The following SHANK2 variants were observed in gnomAD, a reference collection of about 807,000 sequenced individuals.
SHANK2 encodes SH3 and multiple ankyrin repeat domains 2.
SHANK2 carries 43 observed loss-of-function variants against 133.7 expected under a neutral mutation model. The observed-to-expected ratio is 0.32, with a 90% CI of 0.25 to 0.41. SHANK2 has a LOEUF of 0.41. SHANK2 is among the 10% of genes least tolerant of loss of function. SHANK2 has a pLI of 1.00. For synonymous variants in SHANK2, 1,017 were observed against 952.8 expected (o/e 1.07, Z -1.24); for missense variants, 1,994 against 2,235.8 (o/e 0.89, Z 2.18).
At chr11:71,085,645 T>TAA (rs1462508392) in intron 8 of SHANK2, among the ~76,000 whole-genome samples, 5 of 42,124 alleles carry the variant, frequency 1.2e-4, no homozygotes, top group Non-Finnish European at 2.2e-4. Flanking sequence ...ATATAATATA[T>TAA]TATGTTATAT....
chr11:70,508,927 T>G (rs1055662867), intron 17 of SHANK2, among the ~76,000 whole-genome samples: 1 of 152,098 alleles, frequency 6.6e-6, no homozygotes, highest in African/African-American at 2.4e-5. Context: ...TATAGAGATA[T>G]GCACACAGGG....
intron 10 of SHANK2, among the ~76,000 whole-genome samples, chr11:70,906,853 C>G (rs535438703): frequency 7.9e-5 from 12 of 152,218 alleles, no homozygotes; most frequent in Non-Finnish European, 1.0e-4. Context: ...TCAAGGGAAT[C>G]TCTGCCCATC....
intron 14 of SHANK2, among the ~76,000 whole-genome samples, chr11:70,752,826 G>A (rs1241153825): frequency 6.6e-6 from 1 of 151,594 alleles, no homozygotes; most frequent in African/African-American, 2.4e-5. Flanking sequence ...CAAAATACAT[G>A]AAGCAGGCCA....
intron 11 of SHANK2, among the ~76,000 whole-genome samples, chr11:70,858,804 A>G (rs781951619): frequency 1.3e-5 from 2 of 152,130 alleles, no homozygotes; most frequent in Non-Finnish European, 1.5e-5. Flanking sequence ...TCACACCTCC[A>G]TCTGGTTATC....
At chr11:70,843,726 C>T (rs890665016) in intron 11 of SHANK2, among the ~76,000 whole-genome samples, 1 of 151,950 alleles carries the variant, frequency 6.6e-6, no homozygotes. Context: ...CTGTTGAATG[C>T]CCCCCAGCCC....
chr11:70,845,198 C>CAAAAAAAAAAAAA (rs782471301), intron 11 of SHANK2, among the ~76,000 whole-genome samples: 2 of 51,668 alleles, frequency 3.9e-5, no homozygotes, highest in African/African-American at 1.4e-4. Flanking sequence ...GACTCTGTCT[C>CAAAAAAAAAAAAA]AAAAAAAAAA....
intron 2 of SHANK2, among the ~76,000 whole-genome samples, chr11:71,203,686 A>T (rs1555117507): frequency 6.6e-6 from 1 of 152,244 alleles, no homozygotes; most frequent in Non-Finnish European, 1.5e-5. Flanking sequence ...GTGTGGTAAG[A>T]GTGCCTGAGT....
At chr11:70,810,590 A>G (rs1555052988) in intron 12 of SHANK2, among the ~76,000 whole-genome samples, 2 of 152,230 alleles carry the variant, frequency 1.3e-5, no homozygotes, top group African/African-American at 4.8e-5. Context: ...GGCGGCCATC[A>G]TGGGCTCTGT....
chr11:70,787,729 G>A (rs1428008202), intron 14 of SHANK2, among the ~76,000 whole-genome samples: 1 of 151,992 alleles, frequency 6.6e-6, no homozygotes, highest in African/African-American at 2.4e-5. Flanking sequence ...CACCACCCCT[G>A]GTCCCTGACT....
chr11:71,086,456 A>G (rs1951418552), intron 8 of SHANK2, among the ~76,000 whole-genome samples: 1 of 136,578 alleles, frequency 7.3e-6, no homozygotes, highest in Non-Finnish European at 1.5e-5. Context: ...ATTATATTAT[A>G]TATAATTATG....
At chr11:70,661,816 G>C in intron 15 of SHANK2, 138 bp from the exon 16 acceptor site, 1 of 1,610,980 alleles carries the variant, frequency 6.2e-7, no homozygotes, top group Non-Finnish European at 8.5e-7. Flanking sequence ...ATGGAGGAAA[G>C]GAGGCAGCGA....
At chr11:71,151,666 G>A (rs1233451906) in intron 2 of SHANK2, among the ~76,000 whole-genome samples, 2 of 152,292 alleles carry the variant, frequency 1.3e-5, no homozygotes, top group Admixed American at 6.5e-5. Flanking sequence ...CAGCCTCAGC[G>A]TCAACATCTG....
At chr11:70,921,630 G>T (rs1232473619) in intron 10 of SHANK2, among the ~76,000 whole-genome samples, 1 of 152,196 alleles carries the variant, frequency 6.6e-6, no homozygotes, top group Admixed American at 6.5e-5. Context: ...GGAGAGAAAT[G>T]CTGGTAAGCA....
At chr11:71,241,132 G>A (rs1302611374) in intron 1 of SHANK2, among the ~76,000 whole-genome samples, 2 of 152,190 alleles carry the variant, frequency 1.3e-5, no homozygotes, top group African/African-American at 4.8e-5. Context: ...AAAGCCCCGG[G>A]CTAGGCAACT....
chr11:71,235,312 G>A (rs1565530704), intron 1 of SHANK2, among the ~76,000 whole-genome samples: 1 of 152,144 alleles, frequency 6.6e-6, no homozygotes, highest in African/African-American at 2.4e-5. Context: ...CTCTTGCACA[G>A]GACGGGCACG....
intron 3 of SHANK2, 134 bp downstream of exon 3, chr11:71,146,986 G>A (rs561385175): frequency 1.4e-6 from 1 of 706,730 alleles, no homozygotes; most frequent in Non-Finnish European, 2.2e-6. Context: ...CAGAAGTATG[G>A]AGCGAGGAAG....
intron 14 of SHANK2, among the ~76,000 whole-genome samples, chr11:70,744,001 C>T (rs1378964924): frequency 2.0e-5 from 3 of 152,202 alleles, no homozygotes; most frequent in African/African-American, 7.2e-5. Flanking sequence ...CCCTCAGCCC[C>T]ACACCTGGCC....
chr11:70,641,147 G>T (rs907196873), intron 17 of SHANK2, among the ~76,000 whole-genome samples: 1 of 148,740 alleles, frequency 6.7e-6, no homozygotes, highest in African/African-American at 2.5e-5. Flanking sequence ...CCAGGCTGGA[G>T]TGCAGTGGCA....
In SHANK2 at chr11:71,175,684, T is replaced by C. The variant is rs1305792065; in HGVS notation, c.-12-28346A>G. ...GTCCTACCTGAAACCACCCAAAATA[T>C]ATCCAAACCACCAAAATATGTAAAA... On this transcript the variant is annotated intron_variant, in intron 2 of 25. Coordinates refer to ENST00000601538, the MANE Select transcript of SHANK2 (RefSeq NM_012309.5). The surrounding 1 kb of genome is among the most constrained non-coding windows in gnomAD (Gnocchi z 4.2). 1.3e-5 allele frequency among the ~76,000 whole-genome samples: 2 copies of C among 151,842 alleles called. No individual in the cohort carries two copies. Among genetic ancestry groups the C allele is most frequent in the Admixed American group, 6.6e-5 (1 of 15,242 alleles).
Sources: allele counts gnomAD v4.1 joint callset (sites outside exome capture counted in the v4.1 genomes callset), GRCh38; gene constraint gnomAD v4.1.1; non-coding constraint Gnocchi (gnomAD v3.1); transcripts MANE v1.5; gene names NCBI Gene and HGNC (gene_info 2026-07-23, HGNC 2026-07-21).